The following TMEM132D variants were observed in gnomAD, a reference collection of about 807,000 sequenced individuals.
TMEM132D encodes the protein mature OL transmembrane protein.
A neutral mutation model predicts 62.3 loss-of-function variants in TMEM132D; 21 were observed. That is an observed-to-expected ratio of 0.34 (90% confidence interval 0.24 to 0.49). The LOEUF (loss-of-function observed/expected upper bound fraction) is 0.49. TMEM132D is among the 20% of genes least tolerant of loss of function. The pLI, the probability that TMEM132D is intolerant of heterozygous loss-of-function variation, is 0.99. For synonymous variants in TMEM132D, 621 were observed against 575.6 expected, an observed-to-expected ratio of 1.08 and a Z score of -1.13; for missense variants, 1,346 against 1,402.8, an observed-to-expected ratio of 0.96 and a Z score of 0.65.
At chr12:129,887,168 CA>C (rs1874774472) in intron 1 of TMEM132D, among the ~76,000 whole-genome samples, 1 of 152,162 alleles carries the variant, frequency 6.6e-6, no homozygotes, top group Admixed American at 6.5e-5. Context: ...GATCAGTAAC[CA>C]GGGGGAAAAC....
intron 1 of TMEM132D, among the ~76,000 whole-genome samples, chr12:129,739,512 C>G (rs1214629471): frequency 1.3e-5 from 2 of 152,202 alleles, no homozygotes; most frequent in Non-Finnish European, 2.9e-5. Flanking sequence ...AAGAATAACC[C>G]TCTTCTGGGG....
chr12:129,387,319 C>T (rs936151783), intron 3 of TMEM132D, among the ~76,000 whole-genome samples: 7 of 151,940 alleles, frequency 4.6e-5, no homozygotes, highest in Non-Finnish European at 4.4e-5. Flanking sequence ...ACACTAACAC[C>T]AATGCCAGTG....
At chr12:129,240,814 T>A (rs1029942524) in intron 4 of TMEM132D, among the ~76,000 whole-genome samples, 1 of 152,116 alleles carries the variant, frequency 6.6e-6, no homozygotes, top group African/African-American at 2.4e-5. Flanking sequence ...CCGCTTCAGG[T>A]TTTCTGTCTC....
At chr12:129,714,584 CAT>C (rs1868493834) in intron 1 of TMEM132D, among the ~76,000 whole-genome samples, 1 of 152,180 alleles carries the variant, frequency 6.6e-6, no homozygotes, top group African/African-American at 2.4e-5. Context: ...TAACATGTAT[CAT>C]ATACTTGCCA....
chr12:129,798,616 C>T (rs1441609411), intron 1 of TMEM132D, among the ~76,000 whole-genome samples: 1 of 151,970 alleles, frequency 6.6e-6, no homozygotes, highest in Non-Finnish European at 1.5e-5. Context: ...AGATAAGGAC[C>T]CACAGTGAGC....
At chr12:129,595,680 G>A (rs941158635) in intron 2 of TMEM132D, among the ~76,000 whole-genome samples, 6 of 152,196 alleles carry the variant, frequency 3.9e-5, no homozygotes, top group Admixed American at 1.3e-4. Flanking sequence ...GCTGTAAGAA[G>A]AACATCAAAG....
chr12:129,285,242 G>T (rs1305167899), intron 4 of TMEM132D, among the ~76,000 whole-genome samples: 1 of 151,796 alleles, frequency 6.6e-6, no homozygotes, highest in Non-Finnish European at 1.5e-5. Flanking sequence ...CTCTAGGCTG[G>T]GTGTGGTGGC....
chr12:129,368,810 A>T (rs1200277886), intron 3 of TMEM132D, among the ~76,000 whole-genome samples: 1 of 151,914 alleles, frequency 6.6e-6, no homozygotes, highest in Non-Finnish European at 1.5e-5. Flanking sequence ...GGTCATGTGT[A>T]TATTTCTGGC....
At chr12:129,206,341 A>G (rs554514563) in intron 5 of TMEM132D, among the ~76,000 whole-genome samples, 10 of 152,254 alleles carry the variant, frequency 6.6e-5, no homozygotes, top group Non-Finnish European at 1.3e-4. Context: ...GCCAATAAGC[A>G]TATGAGAAAA....
intron 3 of TMEM132D, among the ~76,000 whole-genome samples, chr12:129,392,588 C>G (rs1157646806): frequency 6.6e-6 from 1 of 152,174 alleles, no homozygotes. Flanking sequence ...AAGTGTGGTC[C>G]CCGGGCCAGT....
At chr12:129,504,335 TGAATGTCTTGTA>T (rs1875264502) in intron 3 of TMEM132D, among the ~76,000 whole-genome samples, 1 of 152,238 alleles carries the variant, frequency 6.6e-6, no homozygotes, top group Admixed American at 6.5e-5. Context: ...AATTCTTCTT[TGAATGTCTTGTA>T]GAATTCAGCT....
chr12:129,734,731 C>T (rs1039126792), intron 1 of TMEM132D, among the ~76,000 whole-genome samples: 1 of 152,022 alleles, frequency 6.6e-6, no homozygotes, highest in Admixed American at 6.6e-5. Flanking sequence ...TATATGATTG[C>T]TTCAGGAAAC....
intron 1 of TMEM132D, among the ~76,000 whole-genome samples, chr12:129,706,676 C>A (rs1881514061): frequency 6.6e-6 from 1 of 151,780 alleles, no homozygotes; most frequent in African/African-American, 2.4e-5. Flanking sequence ...GTTCATGGGA[C>A]CTTCCCATAA....
chr12:129,533,027 G>A (rs1034272413), intron 2 of TMEM132D, among the ~76,000 whole-genome samples: 62 of 152,114 alleles, frequency 4.1e-4, no homozygotes, highest in Non-Finnish European at 5.1e-4. Flanking sequence ...GTGACTCGCT[G>A]GACCTGGGGG....
chr12:129,612,758 C>G (rs1878810380), intron 2 of TMEM132D, among the ~76,000 whole-genome samples: 1 of 152,068 alleles, frequency 6.6e-6, no homozygotes, highest in East Asian at 1.9e-4. Flanking sequence ...CTTAGTCTGA[C>G]CTTTTGCCCC....
intron 4 of TMEM132D, among the ~76,000 whole-genome samples, chr12:129,255,259 T>A (rs1880370261): frequency 6.6e-6 from 1 of 152,232 alleles, no homozygotes; most frequent in African/African-American, 2.4e-5. Context: ...TTATGCAGCC[T>A]CAGCCATTTC....
chr12:129,515,613 A>G (rs1875650175), intron 3 of TMEM132D, among the ~76,000 whole-genome samples: 1 of 152,198 alleles, frequency 6.6e-6, no homozygotes. Context: ...AGCCACGGTC[A>G]TAAAGGAATT....
chr12:129,885,827 G>T (rs545129799), intron 1 of TMEM132D, among the ~76,000 whole-genome samples: 1 of 152,088 alleles, frequency 6.6e-6, no homozygotes, highest in South Asian at 2.1e-4. Flanking sequence ...TGACACCCAC[G>T]ACCATCCACT....
Position 129,787,224 on chromosome 12 carries a change from A to G in TMEM132D, c.80-86526T>C, listed in dbSNP as rs930331920. On this transcript the variant is annotated intron_variant, in intron 1 of 8. Coordinates refer to ENST00000422113, the MANE Select transcript of TMEM132D (RefSeq NM_133448.3). ...TTTGACCCTTAATTTATAGATATTA[A>G]CATTTTGGCTTCTTATAGTTGATCA... Among the ~76,000 whole-genome samples, 4 of 152,226 alleles carry G rather than the reference A, an allele frequency of 2.6e-5. No individual in the cohort carries two copies. The South Asian group carries it at 8.3e-4, about 32-fold the overall frequency.
Sources: gnomAD v4.1 joint callset for allele counts (sites outside exome capture counted in the v4.1 genomes callset) on GRCh38, gnomAD v4.1.1 for gene constraint, MANE v1.5 for transcripts, NCBI Gene and HGNC (gene_info 2026-07-23, HGNC 2026-07-21) for gene names.